The following KCNMB2 variants were observed in gnomAD, a reference collection of about 807,000 sequenced individuals.
KCNMB2 encodes the protein calcium-activated potassium channel subunit beta-2.
A neutral mutation model predicts 24.5 loss-of-function variants in KCNMB2; 9 were observed. The ratio of observed to expected loss-of-function variants is 0.37; its 90% CI spans 0.22 to 0.64. The LOEUF (loss-of-function observed/expected upper bound fraction) is 0.64. Among genes scored for constraint, KCNMB2 ranks in the 30% least tolerant of loss-of-function variants. The pLI is 0.63. For synonymous variants in KCNMB2, 109 were observed against 104.4 expected, an observed-to-expected ratio of 1.04 and a Z score of -0.27; for missense variants, 226 against 284.3, an observed-to-expected ratio of 0.79 and a Z score of 1.47.
intron 1 of KCNMB2, among the ~76,000 whole-genome samples, chr3:178,724,973 C>T (rs144092500): frequency 4.7e-4 from 72 of 151,928 alleles, no homozygotes; most frequent in Middle Eastern, 6.8e-3. Flanking sequence ...TTCATTTTTG[C>T]TCAGGGTTGC....
At chr3:178,749,052 A>G (rs1723758673) in intron 1 of KCNMB2, 1 of 152,176 alleles carries the variant, frequency 6.6e-6, no homozygotes, top group African/African-American at 2.4e-5. Context: ...TTACCAAGTG[A>G]CCCAGAGGCA....
intron 1 of KCNMB2, among the ~76,000 whole-genome samples, chr3:178,805,631 T>A (rs965897406): frequency 2.6e-5 from 4 of 151,974 alleles, no homozygotes; most frequent in Non-Finnish European, 4.4e-5. Flanking sequence ...CAAATCTTTT[T>A]CTTTTTTTTT....
chr3:178,807,176 G>T (rs1030473140), intron 1 of KCNMB2, among the ~76,000 whole-genome samples, 167 bp from the exon 2 acceptor site: 2 of 152,214 alleles, frequency 1.3e-5, no homozygotes, highest in East Asian at 3.8e-4. Context: ...GCAAATTTCT[G>T]AGAGAGGACC....
intron 1 of KCNMB2, among the ~76,000 whole-genome samples, chr3:178,778,122 G>A (rs1407182595): frequency 1.3e-5 from 2 of 151,956 alleles, no homozygotes; most frequent in Non-Finnish European, 2.9e-5. Context: ...TTCATTTAAC[G>A]TGTTTTGAAA....
intron 1 of KCNMB2, among the ~76,000 whole-genome samples, chr3:178,559,351 C>A (rs1011940215): frequency 6.6e-6 from 1 of 151,900 alleles, no homozygotes; most frequent in Non-Finnish European, 1.5e-5. Flanking sequence ...CAGATTTCAA[C>A]TTTAATATAA....
At chr3:178,800,629 A>G (rs1166949157) in intron 1 of KCNMB2, among the ~76,000 whole-genome samples, 4 of 152,142 alleles carry the variant, frequency 2.6e-5, no homozygotes, top group Non-Finnish European at 4.4e-5. Context: ...AGTTTCCTCA[A>G]AAAAATATAA....
At chr3:178,815,881 C>T (rs1316297695) in intron 2 of KCNMB2, among the ~76,000 whole-genome samples, 1 of 151,910 alleles carries the variant, frequency 6.6e-6, no homozygotes, top group East Asian at 1.9e-4. Flanking sequence ...ATAACCACAG[C>T]TTGATCATGA....
intron 1 of KCNMB2, among the ~76,000 whole-genome samples, chr3:178,690,100 C>G (rs759780491): frequency 1.3e-5 from 2 of 152,006 alleles, no homozygotes; most frequent in Non-Finnish European, 2.9e-5. Context: ...AAGTAGAAAG[C>G]CAAGTGAATT....
rs866649132 is a variant in KCNMB2, at chr3:178,645,606, C to T, written c.-68+108895C>T. ...TGGGAGCCAGTGTAGGAGAATGGCT[C>T]AAAGAGAGTGGAGGTATCTATTCAT... On this transcript the variant is annotated intron_variant, in intron 1 of 4. Coordinates refer to ENST00000452583, the MANE Select transcript of KCNMB2 (RefSeq NM_181361.3). Among the ~76,000 whole-genome samples the T allele has an allele frequency of 3.3e-5, 5 of 152,246 alleles. 1 individual carries two copies. The South Asian group carries it at 1.0e-3, about 32-fold the overall frequency.
chr3:178,726,956 T>A (rs914847172), intron 1 of KCNMB2, among the ~76,000 whole-genome samples: 3 of 151,520 alleles, frequency 2.0e-5, no homozygotes, highest in African/African-American at 7.2e-5. Flanking sequence ...GCGATCACAT[T>A]TTCATTACTA....
rs144712544 is a variant in KCNMB2 at position 178,820,616 on chromosome 3, C to G, written c.57-4972C>G. 5 of 152,746 alleles carry G rather than the reference C, an allele frequency of 3.3e-5. No homozygotes were observed. In the East Asian group the frequency reaches 9.7e-4, roughly 29 times the overall value. 9.5% of individuals were successfully genotyped at this position (152,746 alleles called of 1,614,324 possible). A position where few individuals can be genotyped will look rare whatever the true frequency, so the allele number is the denominator to read the frequency against. The stretch of plus-strand genomic sequence containing the variant: ...ATCCATATTTGTATGTGCATGGCCT[C>G]AAAAATAATTTGTTTATGAATTATG... On this transcript the variant is annotated intron_variant, in intron 2 of 4. Transcript: ENST00000452583.
intron 1 of KCNMB2, among the ~76,000 whole-genome samples, chr3:178,785,723 T>A (rs1713074789): frequency 6.6e-6 from 1 of 152,112 alleles, no homozygotes; most frequent in Admixed American, 6.6e-5. Context: ...AACTGCACAC[T>A]AAGTTTTATA....
chr3:178,842,223 A>T (rs1715452229), intron 4 of KCNMB2, among the ~76,000 whole-genome samples: 1 of 152,182 alleles, frequency 6.6e-6, no homozygotes, highest in Non-Finnish European at 1.5e-5. Flanking sequence ...TGTTATGTGG[A>T]CAGATGTGGA....
chr3:178,651,869 T>A (rs1230702047), intron 1 of KCNMB2, among the ~76,000 whole-genome samples: 1 of 152,216 alleles, frequency 6.6e-6, no homozygotes, highest in Non-Finnish European at 1.5e-5. Flanking sequence ...GCTAGCCATA[T>A]GCAGAAAGCT....
chr3:178,591,691 G>A (rs1037613061), intron 1 of KCNMB2, among the ~76,000 whole-genome samples: 7 of 152,144 alleles, frequency 4.6e-5, no homozygotes, highest in Non-Finnish European at 7.3e-5. Context: ...TTGGCCTTCA[G>A]AGAATAAGCG....
intron 1 of KCNMB2, among the ~76,000 whole-genome samples, chr3:178,740,940 C>T (rs551546737): frequency 3.0e-4 from 45 of 152,194 alleles, no homozygotes; most frequent in African/African-American, 1.1e-3. Context: ...GATACAAAAT[C>T]ATCAATTCTT....
chr3:178,778,468 A>ACG (rs1560017837), intron 1 of KCNMB2, among the ~76,000 whole-genome samples: 1 of 64,998 alleles, frequency 1.5e-5, no homozygotes, highest in East Asian at 3.1e-4. Context: ...ACACACACAC[A>ACG]CACACACACA....
Position 178,638,677 on chromosome 3 carries a change from G to A in KCNMB2, c.-68+101966G>A, listed in dbSNP as rs1002703780. Among the ~76,000 whole-genome samples, 3 of 152,186 alleles carry A rather than the reference G, an allele frequency of 2.0e-5. No homozygotes were observed. The East Asian group carries it at 5.8e-4, about 29-fold the overall frequency. Reference sequence around the variant, plus strand: ...TATATATTTTGGCCCCAATTCATATGTATTGAGGTTGAAGTCTCATCAGAG... The same window carrying A: ...TATATATTTTGGCCCCAATTCATATATATTGAGGTTGAAGTCTCATCAGAG... On this transcript the variant is annotated intron_variant, in intron 1 of 4. Transcript: ENST00000452583.
intron 2 of KCNMB2, among the ~76,000 whole-genome samples, 193 bp from the exon 3 acceptor site, chr3:178,825,395 C>A (rs764804150): frequency 5.9e-5 from 9 of 152,044 alleles, no homozygotes; most frequent in Non-Finnish European, 8.8e-5. Context: ...CACATACAAG[C>A]GTGCATGTGC....
Sources: gnomAD v4.1 joint callset for allele counts (sites outside exome capture counted in the v4.1 genomes callset) on GRCh38, gnomAD v4.1.1 for gene constraint, MANE v1.5 for transcripts, NCBI Gene and HGNC (gene_info 2026-07-23, HGNC 2026-07-21) for gene names.